The following SLC7A6 variants were observed in gnomAD, a reference collection of about 807,000 sequenced individuals.
The protein encoded by SLC7A6 is Y+L amino acid transporter 2.
SLC7A6 carries 29 observed loss-of-function variants against 46.6 expected under a neutral mutation model. The observed-to-expected ratio is 0.62, with a 90% CI of 0.46 to 0.85. The LOEUF (loss-of-function observed/expected upper bound fraction) is 0.85. Among genes scored for constraint, SLC7A6 ranks in the 40% least tolerant of loss-of-function variants. SLC7A6 has a pLI of 0.00. For synonymous variants in SLC7A6, 276 were observed against 257.3 expected, an observed-to-expected ratio of 1.07 and a Z score of -0.70; for missense variants, 527 against 647.6, an observed-to-expected ratio of 0.81 and a Z score of 2.02.
intron 4 of SLC7A6, among the ~76,000 whole-genome samples, chr16:68,289,554 T>C (rs2043006293): frequency 6.6e-6 from 1 of 152,190 alleles, no homozygotes; most frequent in African/African-American, 2.4e-5. Context: ...CATAGCCAGC[T>C]CTTTTTACCA....
At chr16:68,280,658 T>G (rs1320089573) in intron 3 of SLC7A6, among the ~76,000 whole-genome samples, 1 of 151,986 alleles carries the variant, frequency 6.6e-6, no homozygotes, top group Non-Finnish European at 1.5e-5. Context: ...GGTCTCAAAC[T>G]CCTGGCTCAA....
chr16:68,268,363 C>T (rs2042569551), intron 2 of SLC7A6, among the ~76,000 whole-genome samples: 2 of 152,152 alleles, frequency 1.3e-5, no homozygotes, highest in Admixed American at 1.3e-4. Flanking sequence ...TAGTGGGGAA[C>T]CCTCCCCCTC....
intron 8 of SLC7A6, 163 bp downstream of exon 8, chr16:68,294,964 G>C: frequency 3.6e-6 from 2 of 550,826 alleles, no homozygotes; most frequent in South Asian, 4.7e-5. Context: ...GTTTTATTAC[G>C]TTTAATTTTG....
At position 68,274,768 on chromosome 16, in the gene SLC7A6, T is replaced by C. The variant is rs896725179; in HGVS notation, c.42T>C (p.His14=). 6 of 1,614,204 alleles carry C rather than the reference T, an allele frequency of 3.7e-6. No homozygotes were observed. The highest frequency in any genetic ancestry group is 5.1e-6 in the Non-Finnish European group (6 of 1,180,024). ...CTGGGAGGCCCACACCCACCTACCA[T>C]CTTGTCCCTAACACCAGCCAGTCCC... ...REPGRPTPTY[H]LVPNTSQSQV... Residue 14 remains histidine (H), a synonymous_variant, in exon 3 of 11, where the codon CAT becomes CAC. Coordinates refer to ENST00000219343, the MANE Select transcript of SLC7A6 (RefSeq NM_003983.6).
rs2043025735 is a variant in SLC7A6 at position 68,290,450 on chromosome 16, A to G, written c.704A>G (p.Asn235Ser). 1 of 1,613,456 alleles carries G rather than the reference A, an allele frequency of 6.2e-7. No individual in the cohort carries two copies. Among genetic ancestry groups the G allele is most frequent in the Admixed American group, 1.7e-5 (1 of 59,934 alleles). ...AFEGSSWDMG[N>S]LSLALYSALF... ...GAGGGTTCCTCCTGGGACATGGGAA[A>G]CCTCTCTCTTGCCCTCTACTCTGCC... Residue 235 changes from asparagine to serine, a missense_variant, in exon 5 of 11, where the codon AAC (asparagine) becomes AGC (serine). Physicochemically the swap from Asn to Ser is conservative, Grantham distance 46. Coordinates refer to ENST00000219343, the MANE Select transcript of SLC7A6 (RefSeq NM_003983.6).
chr16:68,276,974 A>G (rs1048171674), intron 3 of SLC7A6, among the ~76,000 whole-genome samples: 1 of 152,034 alleles, frequency 6.6e-6, no homozygotes, highest in Non-Finnish European at 1.5e-5. Context: ...CAGCCTGGGT[A>G]ACGGAGCAAG....
Position 68,301,255 on chromosome 16 carries a change from T to C in SLC7A6, c.*3927T>C. ...GCCCTCAAGGGCATGTGGCAGAACCTCATGGACATCACAAGACCATCAGTC... is the reference window on the plus strand; with the variant it reads ...GCCCTCAAGGGCATGTGGCAGAACCCCATGGACATCACAAGACCATCAGTC... On this transcript the variant is annotated 3_prime_UTR_variant, in exon 11 of 11. Coordinates refer to ENST00000219343, the MANE Select transcript of SLC7A6 (RefSeq NM_003983.6). 1 of 1,612,748 alleles carries C rather than the reference T, an allele frequency of 6.2e-7. No homozygotes were observed. The highest frequency in any genetic ancestry group is 1.3e-5 in the African/African-American group (1 of 75,004).
chr16:68,287,582 G>A lies in SLC7A6; in HGVS notation c.524-164G>A, dbSNP rs948876226. The stretch of plus-strand genomic sequence containing the variant: ...GTGCCTGTGTGCTGTCAGCTGGGGC[G>A]GGTGCAGGGTGTCCCCTCGCTTGCC... On this transcript the variant is annotated intron_variant, in intron 3 of 10. Transcript: ENST00000219343. The A allele has an allele frequency of 6.8e-6, 10 of 1,477,774 alleles. No homozygotes were observed. The South Asian group carries it at 1.1e-4, about 16-fold the overall frequency. 91.5% of individuals were successfully genotyped at this position (1,477,774 alleles called of 1,614,324 possible). A position where few individuals can be genotyped will look rare whatever the true frequency, so the allele number is the denominator to read the frequency against.
rs143248146 is a variant in SLC7A6, at chr16:68,297,268, T to C, written c.1488T>C (p.Phe496=). Residue 496 remains phenylalanine (F), a synonymous_variant, in exon 11 of 11, where the codon TTT becomes TTC. Transcript: ENST00000219343. ...CCAGAGGCACCCAGCAGCTTTGCTT[T>C]TGTGTCCTGACTGAGCTTGATGTAG... The part of the protein sequence containing the change: ...AITRGTQQLC[F]CVLTELDVAE... 153 of 1,614,168 alleles carry C rather than the reference T, an allele frequency of 9.5e-5. No homozygotes were observed. In the African/African-American group the frequency reaches 2.0e-3, roughly 21 times the overall value.
At chr16:68,283,033 C>T (rs952659248) in intron 3 of SLC7A6, among the ~76,000 whole-genome samples, 1 of 152,214 alleles carries the variant, frequency 6.6e-6, no homozygotes. Flanking sequence ...CCTCCGCTCT[C>T]TGTTGCCTGT....
intron 3 of SLC7A6, among the ~76,000 whole-genome samples, chr16:68,279,524 C>T (rs2042790679): frequency 6.6e-6 from 1 of 152,138 alleles, no homozygotes; most frequent in South Asian, 2.1e-4. Flanking sequence ...TAACTAATTG[C>T]TGCCTCGATT....
chr16:68,267,176 C>T (rs534706944), intron 2 of SLC7A6, among the ~76,000 whole-genome samples: 6 of 145,412 alleles, frequency 4.1e-5, no homozygotes, highest in African/African-American at 1.5e-4. Flanking sequence ...CTCAGGCAAT[C>T]TGCCCGTCTC....
In SLC7A6 at chr16:68,294,808, T is replaced by C. The variant is rs753259739; in HGVS notation, c.1119+7T>C. 1.2e-5 allele frequency: 19 copies of C among 1,604,302 alleles called. No individual in the cohort carries two copies. The highest frequency in any genetic ancestry group is 1.6e-5 in the Non-Finnish European group (19 of 1,171,048). ...CCCTGCTTTACTGTTCAATGTAAGCTTTGCTGGGACCACGGGGCTCAGGTG... is the reference window on the plus strand; with the variant it reads ...CCCTGCTTTACTGTTCAATGTAAGCCTTGCTGGGACCACGGGGCTCAGGTG... On this transcript the variant is annotated splice_region_variant and intron_variant, in intron 8 of 10. Coordinates refer to ENST00000219343, the MANE Select transcript of SLC7A6 (RefSeq NM_003983.6).
In SLC7A6 at chr16:68,292,418, C is replaced by T. The variant is rs927786013; in HGVS notation, c.1022+757C>T. On this transcript the variant is annotated intron_variant, in intron 7 of 10. Transcript: ENST00000219343. ...TTGGCCCTTCTCTTTGGTGGGTGCTCACTTGGAGCCAGCTCTCCAATAGCT... is the reference window on the plus strand; with the variant it reads ...TTGGCCCTTCTCTTTGGTGGGTGCTTACTTGGAGCCAGCTCTCCAATAGCT... 6 of 152,352 alleles carry T rather than the reference C, an allele frequency of 3.9e-5. 1 individual carries two copies. The Middle Eastern group carries it at 0.02, about 518-fold the overall frequency. The allele number at this position is 152,352 out of a possible 1,614,324, so 9.4% of individuals were successfully genotyped here.
chr16:68,287,862 CTG>C lies in SLC7A6; in HGVS notation c.643_644del (p.Cys215ProfsTer5), dbSNP rs764347114. The C allele has an allele frequency of 1.9e-6, 3 of 1,614,048 alleles. No individual in the cohort carries two copies. The highest frequency in any genetic ancestry group is 3.3e-5 in the Admixed American group (2 of 60,010). ...IAIIVMGLVK[L>X]CQGHSEHFQD... ...CATCATTGTCATGGGCCTTGTTAAA[CTG>C]TGCCAGGGTAAGTGGTGGGAAGGGG... On this transcript the variant is annotated frameshift_variant, in exon 4 of 11. Coordinates refer to ENST00000219343, the MANE Select transcript of SLC7A6 (RefSeq NM_003983.6). LOFTEE classifies it high-confidence loss of function.
rs10525504 is a variant in SLC7A6, at chr16:68,291,762, GGTGT to G, written c.1022+136_1022+139del. ...TTCCCTCCTTCTCATGGGCATATAGGGTGTGTGTGTGTGTGTGTGTGTGTGTGTG... is the reference window on the plus strand; with the variant it reads ...TTCCCTCCTTCTCATGGGCATATAGGGTGTGTGTGTGTGTGTGTGTGTGTG... On this transcript the variant is annotated intron_variant, in intron 7 of 10. Coordinates refer to ENST00000219343, the MANE Select transcript of SLC7A6 (RefSeq NM_003983.6). 8.7e-3 allele frequency: 4,762 copies of G among 545,928 alleles called. 90 individuals are homozygous for G. The highest frequency in any genetic ancestry group is 0.059 in the African/African-American group (2,741 of 46,652). The allele number at this position is 545,928 out of a possible 1,614,324, so 33.8% of individuals were successfully genotyped here. A position where few individuals can be genotyped will look rare whatever the true frequency, so the allele number is the denominator to read the frequency against.
At chr16:68,281,006 TA>T (rs1419160420) in intron 3 of SLC7A6, among the ~76,000 whole-genome samples, 1 of 152,248 alleles carries the variant, frequency 6.6e-6, no homozygotes, top group Admixed American at 6.5e-5. Context: ...GTGCTGGGAT[TA>T]CAGGCGTGAC....
chr16:68,286,991 CCTT>C (rs2042948160), intron 3 of SLC7A6, among the ~76,000 whole-genome samples: 1 of 148,144 alleles, frequency 6.8e-6, no homozygotes, highest in Non-Finnish European at 1.5e-5. Context: ...TTCTTTTTCT[CCTT>C]TTTTTTTTTT....
In SLC7A6 at chr16:68,275,320, G is replaced by T. The variant is rs552945945; in HGVS notation, c.523+71G>T. 9.7e-6 allele frequency: 15 copies of T among 1,544,774 alleles called. No homozygotes were observed. In the East Asian group the frequency reaches 2.1e-4, roughly 21 times the overall value. Reference sequence around the variant, plus strand: ...CTATAATAACGGTACTTTAGGCCGGGCGCGGTGGCTCATGCCTATAATCCC... The same window carrying T: ...CTATAATAACGGTACTTTAGGCCGGTCGCGGTGGCTCATGCCTATAATCCC... On this transcript the variant is annotated intron_variant, in intron 3 of 10. Transcript: ENST00000219343.
Sources: gnomAD v4.1 joint callset for allele counts (sites outside exome capture counted in the v4.1 genomes callset) on GRCh38, gnomAD v4.1.1 for gene constraint, MANE v1.5 for transcripts, NCBI Gene and HGNC (gene_info 2026-07-23, HGNC 2026-07-21) for gene names.